The following CSTA variants were observed in gnomAD, a reference collection of about 807,000 sequenced individuals.
The protein encoded by CSTA is cystatin A.
Under a neutral mutation model 9.2 loss-of-function variants are expected in CSTA, and 9 were observed. The observed-to-expected ratio is 0.97, with a 90% confidence interval of 0.59 to 1.70. The LOEUF (loss-of-function observed/expected upper bound fraction) is 1.70. CSTA is among the 40% of genes most tolerant of loss of function. The pLI, the probability that CSTA is intolerant of heterozygous loss-of-function variation, is 0.00. For missense variants in CSTA, 118 were observed against 113.1 expected, an observed-to-expected ratio of 1.04 and a Z score of -0.20; for synonymous variants, 36 against 40.6, an observed-to-expected ratio of 0.89 and a Z score of 0.43.
intron 1 of CSTA, among the ~76,000 whole-genome samples, chr3:122,326,073 C>T (rs1232356316): frequency 6.6e-6 from 1 of 152,142 alleles, no homozygotes; most frequent in Non-Finnish European, 1.5e-5. Context: ...GGCTGGAGTG[C>T]AATGGTCTGA....
chr3:122,337,859 G>T (rs1449059871), intron 2 of CSTA: 1 of 559,608 alleles, frequency 1.8e-6, no homozygotes, highest in Non-Finnish European at 3.3e-6. Context: ...TTATTACATT[G>T]ATTCTTGATT....
At position 122,341,625 on chromosome 3, in the gene CSTA, C is replaced by G. The variant is rs1445426290; in HGVS notation, c.*58C>G. 7 of 1,594,620 alleles carry G rather than the reference C, an allele frequency of 4.4e-6. No homozygotes were observed. The highest frequency in any genetic ancestry group is 1.3e-5 in the African/African-American group (1 of 74,464). ...ACTGGCTACTGAGTCATGATCCTTG[C>G]TGATAAATATAACCATCAATAAAGA... On this transcript the variant is annotated 3_prime_UTR_variant, in exon 3 of 3. Transcript: ENST00000264474.
At chr3:122,326,919 A>G (rs570097192) in intron 1 of CSTA, among the ~76,000 whole-genome samples, 1 of 152,288 alleles carries the variant, frequency 6.6e-6, no homozygotes, top group Admixed American at 6.5e-5. Flanking sequence ...GGCATCCTAC[A>G]AGGCCAGTGG....
In CSTA at chr3:122,337,536, C is replaced by T. The variant is rs754210414; in HGVS notation, c.67-11C>T. 1.3e-6 allele frequency: 2 copies of T among 1,572,536 alleles called. No homozygotes were observed. The highest frequency in any genetic ancestry group is 8.8e-7 in the Non-Finnish European group (1 of 1,142,340). On this transcript the variant is annotated splice_polypyrimidine_tract_variant and intron_variant, in intron 1 of 2. Transcript: ENST00000264474. ...GCTTTGATTATTTGTTTCCTCTTTT[C>T]TTTTCTTTAGGTTAAACCACAGCTT...
At chr3:122,331,071 G>T (rs539327182) in intron 1 of CSTA, among the ~76,000 whole-genome samples, 1 of 151,340 alleles carries the variant, frequency 6.6e-6, no homozygotes, top group African/African-American at 2.4e-5. Context: ...AGAGGTAAGG[G>T]CTACTATACA....
At chr3:122,328,638 AGT>A (rs1034579149) in intron 1 of CSTA, among the ~76,000 whole-genome samples, 4 of 151,926 alleles carry the variant, frequency 2.6e-5, no homozygotes, top group African/African-American at 9.7e-5. Flanking sequence ...GAATGGAGAG[AGT>A]GTGGTAAGTT....
intron 1 of CSTA, among the ~76,000 whole-genome samples, chr3:122,330,973 A>G (rs1388438668): frequency 1.3e-5 from 2 of 152,160 alleles, no homozygotes; most frequent in Non-Finnish European, 2.9e-5. Context: ...TTGCTGATCC[A>G]TTATCTTATA....
At chr3:122,338,047 A>T (rs2075245286) in intron 2 of CSTA, 1 of 162,292 alleles carries the variant, frequency 6.2e-6, no homozygotes, top group Non-Finnish European at 1.3e-5. Flanking sequence ...TCTATGTCTA[A>T]ATTAAATAAA....
At position 122,340,283 on chromosome 3, in the gene CSTA, C is replaced by T. The variant is rs764274080; in HGVS notation, c.169-1156C>T. Among the ~76,000 whole-genome samples, 7 of 152,054 alleles carry T rather than the reference C, an allele frequency of 4.6e-5. No individual in the cohort carries two copies. The South Asian group carries it at 1.2e-3, about 27-fold the overall frequency. ...CTTCAACCTTCCTACCAATGACTTC[C>T]TAGTAAAACCCCTTAGCTTTTTTTT... On this transcript the variant is annotated intron_variant, in intron 2 of 2. Coordinates refer to ENST00000264474, the MANE Select transcript of CSTA (RefSeq NM_005213.4).
In CSTA at chr3:122,337,917, G is replaced by A. The variant is rs544963242; in HGVS notation, c.168+269G>A. 9 of 413,084 alleles carry A rather than the reference G, an allele frequency of 2.2e-5. No individual in the cohort carries two copies. The Admixed American group carries it at 3.5e-4, about 16-fold the overall frequency. The allele number at this position is 413,084 out of a possible 1,614,324, so 25.6% of individuals were successfully genotyped here. ...ATTTCATAACAGTTCAGGGCATGCT[G>A]GATTTGTGGCTGTGCTGCTGCTTAG... On this transcript the variant is annotated intron_variant, in intron 2 of 2. Transcript: ENST00000264474.
chr3:122,339,215 C>A (rs1414188188), intron 2 of CSTA, among the ~76,000 whole-genome samples: 2 of 152,196 alleles, frequency 1.3e-5, no homozygotes, highest in Non-Finnish European at 2.9e-5. Flanking sequence ...GGAAGCTCCT[C>A]CTCCTCTCTG....
intron 2 of CSTA, 85 bp from the exon 3 acceptor site, chr3:122,341,354 C>A (rs2107669454): frequency 2.7e-6 from 4 of 1,477,092 alleles, no homozygotes; most frequent in Non-Finnish European, 3.8e-6. Flanking sequence ...GGACAGAAGT[C>A]TTTGTAGACC....
At chr3:122,325,501 A>G in intron 1 of CSTA, 143 bp downstream of exon 1, 1 of 790,384 alleles carries the variant, frequency 1.3e-6, no homozygotes, top group Non-Finnish European at 2.1e-6. Context: ...ACTAAGATGA[A>G]ATAAGAGTTT....
intron 1 of CSTA, among the ~76,000 whole-genome samples, chr3:122,328,060 T>C (rs2075180522): frequency 6.6e-6 from 1 of 152,140 alleles, no homozygotes; most frequent in Admixed American, 6.5e-5. Flanking sequence ...TAAGAACAGC[T>C]ACCTCACCCC....
At chr3:122,333,342 C>G (rs531959605) in intron 1 of CSTA, among the ~76,000 whole-genome samples, 1 of 152,186 alleles carries the variant, frequency 6.6e-6, no homozygotes, top group East Asian at 1.9e-4. Flanking sequence ...GAAACTCCAT[C>G]TCTCCAAAAA....
chr3:122,335,958 T>TACACACAC lies in CSTA; in HGVS notation c.67-1558_67-1551dup, dbSNP rs55707796. ...TGGTATTTGATTTTAATCAGAGGAA[T>TACACACAC]ACACACACACACACACACACACACA... On this transcript the variant is annotated intron_variant, in intron 1 of 2. Coordinates refer to ENST00000264474, the MANE Select transcript of CSTA (RefSeq NM_005213.4). 2.8e-3 allele frequency among the ~76,000 whole-genome samples: 407 copies of TACACACAC among 147,658 alleles called. 4 individuals are homozygous for TACACACAC. The highest frequency in any genetic ancestry group is 9.6e-3 in the African/African-American group (381 of 39,560).
chr3:122,332,857 C>G (rs1400282535), intron 1 of CSTA, among the ~76,000 whole-genome samples: 3 of 152,196 alleles, frequency 2.0e-5, no homozygotes, highest in Admixed American at 1.3e-4. Flanking sequence ...CCTGCATCCT[C>G]CTAGTGCCCA....
At chr3:122,339,215 C>T (rs1414188188) in intron 2 of CSTA, among the ~76,000 whole-genome samples, 1 of 152,196 alleles carries the variant, frequency 6.6e-6, no homozygotes, top group African/African-American at 2.4e-5. Flanking sequence ...GGAAGCTCCT[C>T]CTCCTCTCTG....
At chr3:122,333,629 AAAGGAAGGAAGGAAAAGGAAAG>A (rs2107666913) in intron 1 of CSTA, among the ~76,000 whole-genome samples, 1 of 151,140 alleles carries the variant, frequency 6.6e-6, no homozygotes, top group East Asian at 1.9e-4. Flanking sequence ...AAAGGAAAGG[AAAGGAAGGAAGGAAAAGGAAAG>A]GAAAGGAAGA....
Sources: gnomAD v4.1 joint callset for allele counts (sites outside exome capture counted in the v4.1 genomes callset) on GRCh38, gnomAD v4.1.1 for gene constraint, MANE v1.5 for transcripts, NCBI Gene and HGNC (gene_info 2026-07-23, HGNC 2026-07-21) for gene names.